Variants in MACROD2 observed in about 807,000 individuals in gnomAD.
The protein encoded by MACROD2 is mono-ADP ribosylhydrolase 2.
In MACROD2, 36 loss-of-function variants were observed where a neutral mutation model predicts 70.4. That is an observed-to-expected ratio of 0.51 (90% CI 0.39 to 0.68). MACROD2 has a LOEUF of 0.68. Ranked by LOEUF, MACROD2 falls within the 30% of genes least tolerant of loss-of-function variation. The pLI is 0.00. For missense variants in MACROD2, 496 were observed against 538.4 expected, an observed-to-expected ratio of 0.92 and a Z score of 0.78; for synonymous variants, 172 against 178.8, an observed-to-expected ratio of 0.96 and a Z score of 0.30.
chr20:15,299,168 T>G (rs1275986484), intron 6 of MACROD2, among the ~76,000 whole-genome samples: 1 of 152,168 alleles, frequency 6.6e-6, no homozygotes, highest in Admixed American at 6.6e-5. Flanking sequence ...GTAAATAATG[T>G]GTGGGTGTGT....
chr20:15,318,038 G>A (rs570372680), intron 6 of MACROD2, among the ~76,000 whole-genome samples: 7 of 151,848 alleles, frequency 4.6e-5, no homozygotes, highest in Admixed American at 4.6e-4. Flanking sequence ...GCAAGACGAA[G>A]AAAAAAACAG....
At chr20:15,801,201 A>AAAGG (rs1555781109) in intron 8 of MACROD2, among the ~76,000 whole-genome samples, 1,690 of 98,174 alleles carry the variant, frequency 0.017, 45 homozygotes, top group African/African-American at 0.058. Flanking sequence ...AAAAAAAAAA[A>AAAGG]AAACGAAAAA....
chr20:15,754,555 A>T (rs2146986705), intron 8 of MACROD2, among the ~76,000 whole-genome samples: 1 of 151,892 alleles, frequency 6.6e-6, no homozygotes, highest in African/African-American at 2.4e-5. Context: ...GGTTGCAGTG[A>T]TCTGAGATTT....
chr20:14,064,005 G>A (rs911041534), intron 2 of MACROD2, among the ~76,000 whole-genome samples: 4 of 152,118 alleles, frequency 2.6e-5, no homozygotes, highest in Admixed American at 6.6e-5. Flanking sequence ...GGAATTATAC[G>A]CAAGAGCCAC....
At chr20:14,700,658 G>A (rs1358914942) in intron 5 of MACROD2, among the ~76,000 whole-genome samples, 1 of 151,924 alleles carries the variant, frequency 6.6e-6, no homozygotes, top group Non-Finnish European at 1.5e-5. Context: ...TCCACATTTT[G>A]TATAAAATCC....
chr20:14,192,974 C>A (rs192161407), intron 3 of MACROD2, among the ~76,000 whole-genome samples: 90 of 152,340 alleles, frequency 5.9e-4, no homozygotes, highest in Middle Eastern at 6.8e-3. Context: ...AATAATGTCA[C>A]TAAGGGCCTG....
chr20:15,442,136 C>A (rs1008746130), intron 7 of MACROD2, among the ~76,000 whole-genome samples: 5 of 152,122 alleles, frequency 3.3e-5, no homozygotes, highest in African/African-American at 1.2e-4. Context: ...CGTAAATAAA[C>A]ATAGCCCTCT....
At chr20:15,423,415 G>A (rs557386007) in intron 6 of MACROD2, among the ~76,000 whole-genome samples, 1 of 152,242 alleles carries the variant, frequency 6.6e-6, no homozygotes, top group African/African-American at 2.4e-5. Context: ...TCTATCATCA[G>A]CGGGATGAAG....
intron 5 of MACROD2, chr20:15,196,810 C>T (rs1378206085): frequency 1.0e-6 from 1 of 956,248 alleles, no homozygotes; most frequent in African/African-American, 1.8e-5. Context: ...TTCTCTACCC[C>T]TCCCTTCTGC....
chr20:14,483,728 T>G (rs2084689466), intron 3 of MACROD2, among the ~76,000 whole-genome samples: 1 of 152,188 alleles, frequency 6.6e-6, no homozygotes, highest in Non-Finnish European at 1.5e-5. Context: ...TTTTTAAACC[T>G]TAAGCTTCTA....
At chr20:15,296,777 A>AAAATGCTTT (rs1960914678) in intron 6 of MACROD2, among the ~76,000 whole-genome samples, 1 of 150,910 alleles carries the variant, frequency 6.6e-6, no homozygotes. Context: ...GTGTTATCAG[A>AAAATGCTTT]AAATGCTTTG....
chr20:15,428,400 G>T (rs1280496450), intron 6 of MACROD2, among the ~76,000 whole-genome samples: 1 of 152,134 alleles, frequency 6.6e-6, no homozygotes, highest in Non-Finnish European at 1.5e-5. Flanking sequence ...TTGAGTCAAA[G>T]GCACGTAAAA....
At chr20:15,317,493 C>G (rs184731992) in intron 6 of MACROD2, among the ~76,000 whole-genome samples, 1 of 140,534 alleles carries the variant, frequency 7.1e-6, no homozygotes, top group Non-Finnish European at 1.6e-5. Context: ...ATCTATCTAT[C>G]TATCTATCTA....
intron 5 of MACROD2, among the ~76,000 whole-genome samples, chr20:15,160,194 G>A (rs1008852959): frequency 1.5e-4 from 23 of 151,974 alleles, no homozygotes; most frequent in South Asian, 1.2e-3. Flanking sequence ...ACGATAAGGA[G>A]GCTCTTACAA....
At chr20:14,524,845 C>A (rs770365903) in intron 4 of MACROD2, among the ~76,000 whole-genome samples, 3 of 152,146 alleles carry the variant, frequency 2.0e-5, no homozygotes, top group East Asian at 1.9e-4. Flanking sequence ...AAATCAGAGC[C>A]CCTTGCCCTG....
chr20:14,876,980 G>C (rs922349059), intron 5 of MACROD2, among the ~76,000 whole-genome samples: 1 of 152,062 alleles, frequency 6.6e-6, no homozygotes, highest in Non-Finnish European at 1.5e-5. Flanking sequence ...TTTAGAATCA[G>C]TTTTTCTAAT....
chr20:15,540,528 G>A (rs1246826197), intron 8 of MACROD2, among the ~76,000 whole-genome samples: 2 of 152,174 alleles, frequency 1.3e-5, no homozygotes, highest in Non-Finnish European at 2.9e-5. Context: ...AACCACATAA[G>A]ACAAATCTCA....
chr20:16,044,644 G>T lies in MACROD2; in HGVS notation c.1300+5G>T, dbSNP rs80044408. On this transcript the variant is annotated splice_donor_5th_base_variant and intron_variant, in intron 17 of 17. Coordinates refer to ENST00000684519, the MANE Select transcript of MACROD2 (RefSeq NM_001351661.2). ...AACAAGAAGATCAACTAATAGGTAA[G>T]ATGCCCCTTGTGGTGAGATTTTCAA... is the stretch of plus-strand genomic sequence containing the variant. The T allele has an allele frequency of 0.054, 87,242 of 1,608,954 alleles. 2,833 individuals carry two copies. The highest frequency in any genetic ancestry group is 0.062 in the Non-Finnish European group (72,768 of 1,175,908).
chr20:15,837,651 T>C (rs74727582), intron 8 of MACROD2, among the ~76,000 whole-genome samples: 1 of 152,114 alleles, frequency 6.6e-6, no homozygotes, highest in Non-Finnish European at 1.5e-5. Context: ...ACTCAAGAGT[T>C]TCTGGAAACT....
Sources: allele counts gnomAD v4.1 joint callset (sites outside exome capture counted in the v4.1 genomes callset), GRCh38; gene constraint gnomAD v4.1.1; transcripts MANE v1.5; gene names NCBI Gene and HGNC (gene_info 2026-07-23, HGNC 2026-07-21).